Variants in CDK11B observed in about 807,000 individuals in gnomAD.
CDK11B encodes the protein cyclin dependent kinase 11B, also known as cyclin-dependent kinase 11B.
In CDK11B, 37 loss-of-function variants were observed where a neutral mutation model predicts 84.0. The observed-to-expected ratio is 0.44, with a 90% confidence interval of 0.34 to 0.58. CDK11B has a LOEUF of 0.58. Ranked by LOEUF, CDK11B falls within the 20% of genes least tolerant of loss-of-function variation. The pLI is 0.02. For missense variants in CDK11B, 427 were observed against 834.0 expected (o/e 0.51, Z 6.01); for synonymous variants, 269 against 309.8 (o/e 0.87, Z 1.38).
intron 3 of CDK11B, among the ~76,000 whole-genome samples, chr1:1,653,244 C>T (rs1207055973): frequency 1.4e-5 from 2 of 145,974 alleles, no homozygotes; most frequent in African/African-American, 5.1e-5. Flanking sequence ...AGGCTGGTCT[C>T]AAACTTGTGA....
At chr1:1,637,542 G>C in intron 13 of CDK11B, 29 bp from the exon 14 acceptor site, 1 of 1,610,416 alleles carries the variant, frequency 6.2e-7, no homozygotes, top group South Asian at 1.1e-5. Flanking sequence ...TGGGTGCTGG[G>C]CACCTCCAGG....
intron 5 of CDK11B, among the ~76,000 whole-genome samples, chr1:1,647,717 G>A (rs1318945813): frequency 8.5e-5 from 13 of 152,216 alleles, no homozygotes; most frequent in Non-Finnish European, 1.8e-4. Flanking sequence ...TCTGCTGCAC[G>A]TCTTTGGCGA....
intron 4 of CDK11B, among the ~76,000 whole-genome samples, chr1:1,651,297 C>G (rs1641968684): frequency 6.6e-6 from 1 of 152,158 alleles, no homozygotes; most frequent in African/African-American, 2.4e-5. Context: ...AGAGAAAACC[C>G]CAGAGGAAAA....
chr1:1,636,398 G>C lies in CDK11B; in HGVS notation c.2001C>G (p.Pro667=), dbSNP rs747816919. ...AVKKMTFSEH[P]YNNLRKRFGA... ...CGAAGCGCTTGCGGAGGTTGTTGTA[G>C]GGGTGCTCGCTGAAGGTCATCTTCT... Residue 667 remains proline, a synonymous_variant, in exon 18 of 20, where the codon CCC becomes CCG. Coordinates refer to ENST00000341832, the MANE Select transcript of CDK11B (RefSeq NM_033486.3). 3.1e-5 allele frequency: 50 copies of C among 1,610,558 alleles called. No homozygotes were observed. Among genetic ancestry groups the C allele is most frequent in the Middle Eastern group, 1.6e-4 (1 of 6,076 alleles).
rs766807614 is a variant in CDK11B at position 1,636,341 on chromosome 1, G to A, written c.2058C>T (p.Leu686=). 4.8e-5 allele frequency: 76 copies of A among 1,572,238 alleles called. No individual in the cohort carries two copies. The highest frequency in any genetic ancestry group is 6.0e-5 in the Non-Finnish European group (70 of 1,159,102). ...GGCTGCACTGGGCTCACTTGTTCAT[G>A]AGGTCGAAGCCCTGGTCTGAGAGCA... is the stretch of plus-strand genomic sequence containing the variant. ...GALLSDQGFD[L]MNKFLTYFPG... is the part of the protein sequence containing the mutation. The change falls in exon 18 of 20, where the codon CTC becomes CTT. Residue 686 remains leucine (L), a synonymous_variant. Coordinates refer to ENST00000341832, the MANE Select transcript of CDK11B (RefSeq NM_033486.3).
intron 3 of CDK11B, among the ~76,000 whole-genome samples, chr1:1,653,173 C>T (rs1398898636): frequency 2.0e-5 from 3 of 151,902 alleles, no homozygotes; most frequent in Non-Finnish European, 2.9e-5. Context: ...TACAGGCATG[C>T]GCCACCACAC....
At chr1:1,648,988 T>G (rs572501214) in intron 5 of CDK11B, among the ~76,000 whole-genome samples, 1 of 152,256 alleles carries the variant, frequency 6.6e-6, no homozygotes, top group Non-Finnish European at 1.5e-5. Context: ...ATCACACCCG[T>G]TCTTACTTCC....
At chr1:1,638,676 C>T (rs1326100283) in intron 11 of CDK11B, 86 bp from the exon 12 acceptor site, 8 of 1,366,948 alleles carry the variant, frequency 5.9e-6, no homozygotes, top group Non-Finnish European at 7.3e-6. Context: ...GCACACCCGG[C>T]ACGGGGCAGG....
At chr1:1,647,375 G>A (rs1380955220) in intron 5 of CDK11B, among the ~76,000 whole-genome samples, 2 of 152,296 alleles carry the variant, frequency 1.3e-5, no homozygotes, top group African/African-American at 2.4e-5. Context: ...ACCGAGGCCT[G>A]TCTGGTTGTC....
intron 4 of CDK11B, 75 bp from the exon 5 acceptor site, chr1:1,649,712 T>C (rs1303179653): frequency 2.0e-5 from 30 of 1,465,868 alleles, no homozygotes; most frequent in South Asian, 9.4e-5. Context: ...CGGAGGCTTA[T>C]GCCTGTAATC....
intron 2 of CDK11B, 140 bp from the exon 3 acceptor site, chr1:1,655,624 AAAATATAAAG>A (rs1642642330): frequency 7.5e-7 from 1 of 1,330,578 alleles, no homozygotes; most frequent in Non-Finnish European, 9.9e-7. Context: ...CCAGTGTTAT[AAAATATAAAG>A]AACTTTTGGC....
In CDK11B at chr1:1,652,743, C is replaced by CT. The variant is rs1157861695; in HGVS notation, c.228-178dup. 1.4e-3 allele frequency among the ~76,000 whole-genome samples: 205 copies of CT among 151,698 alleles called. 1 individual carries two copies. Among genetic ancestry groups the CT allele is most frequent in the African/African-American group, 4.7e-3 (193 of 41,398 alleles). ...TTAGGCATCTTTTTTTTCTTTTTTT[C>CT]TTTTTTTTAGACAGTCTCGCTCTGT... On this transcript the variant is annotated intron_variant, in intron 3 of 19. Transcript: ENST00000341832.
intron 3 of CDK11B, among the ~76,000 whole-genome samples, chr1:1,654,446 T>A (rs1391479553): frequency 6.6e-6 from 1 of 152,120 alleles, no homozygotes; most frequent in East Asian, 1.9e-4. Flanking sequence ...TTTTCTCATC[T>A]TCTTTTTTTT....
In CDK11B at chr1:1,652,549, G is replaced by T; in HGVS notation, c.245C>A (p.Ser82Tyr). ...SMEDRGEEDD[S>Y]LAIKPPQQMS... is the part of the protein sequence containing the mutation. Reference sequence around the variant, plus strand: ...TTGCTGGGGTGGTTTGATGGCCAAAGAATCATCTTCTTCTCCTCTGAAATA... The same window carrying T: ...TTGCTGGGGTGGTTTGATGGCCAAATAATCATCTTCTTCTCCTCTGAAATA... Residue 82 changes from serine to tyrosine, a missense_variant, in exon 4 of 20, where the codon TCT becomes TAT. Physicochemically the swap from Ser to Tyr is moderately radical, Grantham distance 144 (BLOSUM62 -2). Coordinates refer to ENST00000341832, the MANE Select transcript of CDK11B (RefSeq NM_033486.3). 1 of 1,478,846 alleles carries T rather than the reference G, an allele frequency of 6.8e-7. No homozygotes were observed. Among genetic ancestry groups the T allele is most frequent in the Non-Finnish European group, 8.9e-7 (1 of 1,122,236 alleles). 91.6% of individuals were successfully genotyped at this position (1,478,846 alleles called of 1,614,324 possible). A position where few individuals can be genotyped will look rare whatever the true frequency, so the allele number is the denominator to read the frequency against.
At chr1:1,651,200 C>A (rs1257085203) in intron 4 of CDK11B, among the ~76,000 whole-genome samples, 6 of 152,188 alleles carry the variant, frequency 3.9e-5, no homozygotes, top group Admixed American at 6.5e-5. Context: ...AGCAAATACC[C>A]ATTTTGGGGT....
At chr1:1,636,504 C>A (rs752463087) in intron 17 of CDK11B, 23 bp from the exon 18 acceptor site, 3 of 1,605,558 alleles carry the variant, frequency 1.9e-6, no homozygotes, top group Non-Finnish European at 2.6e-6. Flanking sequence ...GGTGCTTCAA[C>A]AGCCACACCA....
intron 5 of CDK11B, among the ~76,000 whole-genome samples, chr1:1,648,651 C>T (rs956024806): frequency 5.3e-5 from 8 of 152,192 alleles, no homozygotes; most frequent in Non-Finnish European, 1.0e-4. Context: ...AGATCTGGGG[C>T]TACACCGATG....
At position 1,637,617 on chromosome 1, in the gene CDK11B, G is replaced by A. The variant is rs535988153; in HGVS notation, c.1465-104C>T. 732 of 1,608,584 alleles carry A rather than the reference G, an allele frequency of 4.6e-4. 9 individuals carry two copies. The African/African-American group carries it at 7.3e-3, about 16-fold the overall frequency. On this transcript the variant is annotated intron_variant, in intron 13 of 19. Coordinates refer to ENST00000341832, the MANE Select transcript of CDK11B (RefSeq NM_033486.3). The stretch of plus-strand genomic sequence containing the variant: ...ACAGTAAGGACCTCCGGTGCCACCC[G>A]GGAGGCAAATGCTTGCTTCTGTGTG...
intron 3 of CDK11B, among the ~76,000 whole-genome samples, chr1:1,653,198 T>A (rs1642238324): frequency 1.3e-5 from 2 of 151,874 alleles, no homozygotes; most frequent in South Asian, 4.2e-4. Flanking sequence ...CTAATTTTTT[T>A]ATTTTTAGTA....
Sources: allele counts gnomAD v4.1 joint callset (sites outside exome capture counted in the v4.1 genomes callset), GRCh38; gene constraint gnomAD v4.1.1; transcripts MANE v1.5; gene names NCBI Gene and HGNC (gene_info 2026-07-23, HGNC 2026-07-21).